The following EYS variants were observed in gnomAD, a reference collection of about 807,000 sequenced individuals.
The protein encoded by EYS is protein eyes shut homolog.
In EYS, 250 loss-of-function variants were observed where a neutral mutation model predicts 282.1. The ratio of observed to expected loss-of-function variants is 0.89; its 90% CI spans 0.80 to 0.98. EYS has a LOEUF of 0.98. Ranked by LOEUF, EYS falls within the 50% of genes least tolerant of loss-of-function variation. The pLI is 0.00. For synonymous variants in EYS, 1,355 were observed against 1,282.9 expected, an observed-to-expected ratio of 1.06 and a Z score of -1.20; for missense variants, 4,016 against 3,709.0, an observed-to-expected ratio of 1.08 and a Z score of -2.15.
chr6:64,776,798 T>C (rs941253938), intron 22 of EYS, among the ~76,000 whole-genome samples: 1 of 152,048 alleles, frequency 6.6e-6, no homozygotes, highest in Non-Finnish European at 1.5e-5. Flanking sequence ...TTGCTGAAAA[T>C]TTTTCCTATG....
At chr6:64,025,609 A>G (rs1001218363) in intron 33 of EYS, among the ~76,000 whole-genome samples, 1 of 152,206 alleles carries the variant, frequency 6.6e-6, no homozygotes, top group Non-Finnish European at 1.5e-5. Flanking sequence ...GGGCTCACCA[A>G]TCAGAAAGAC....
intron 12 of EYS, among the ~76,000 whole-genome samples, chr6:65,186,535 A>G (rs1361374214): frequency 1.3e-5 from 2 of 151,784 alleles, no homozygotes; most frequent in Admixed American, 1.3e-4. Flanking sequence ...ACTATACAAC[A>G]CATGAGTGAG....
chr6:65,123,513 C>T (rs570625097), intron 12 of EYS, among the ~76,000 whole-genome samples: 159 of 152,186 alleles, frequency 1.0e-3, no homozygotes, highest in African/African-American at 3.7e-3. Context: ...GTCCTTTGAA[C>T]AGAGCTTGAC....
intron 12 of EYS, among the ~76,000 whole-genome samples, chr6:65,119,150 A>G (rs967210942): frequency 6.6e-6 from 1 of 152,164 alleles, no homozygotes; most frequent in Non-Finnish European, 1.5e-5. Context: ...TAGTTTATGT[A>G]TTACTTTTAT....
At chr6:64,651,066 G>A (rs1384616971) in intron 22 of EYS, among the ~76,000 whole-genome samples, 3 of 151,792 alleles carry the variant, frequency 2.0e-5, no homozygotes, top group Admixed American at 6.6e-5. Context: ...TTAACTATTC[G>A]TGTAGACAGA....
At chr6:64,882,291 A>G (rs899865837) in intron 19 of EYS, among the ~76,000 whole-genome samples, 9 of 151,818 alleles carry the variant, frequency 5.9e-5, no homozygotes, top group Non-Finnish European at 1.0e-4. Context: ...AAAGTCACAC[A>G]TCGACTTGGC....
intron 12 of EYS, among the ~76,000 whole-genome samples, chr6:65,245,032 T>C (rs1386063163): frequency 6.6e-6 from 1 of 152,222 alleles, no homozygotes; most frequent in African/African-American, 2.4e-5. Context: ...AAAATTGTAC[T>C]GCTGCTCACA....
intron 12 of EYS, among the ~76,000 whole-genome samples, chr6:65,086,638 G>A (rs115210685): frequency 0.01 from 1,595 of 152,216 alleles, 26 homozygotes; most frequent in African/African-American, 0.025. Context: ...TAGATTATGC[G>A]ATACTGGTAA....
chr6:64,330,173 G>A (rs1029530652), intron 29 of EYS, among the ~76,000 whole-genome samples: 2 of 152,170 alleles, frequency 1.3e-5, no homozygotes, highest in Non-Finnish European at 2.9e-5. Flanking sequence ...TCTGTGGGAG[G>A]CTGGCTATAA....
chr6:64,563,064 G>A (rs543915604), intron 26 of EYS, among the ~76,000 whole-genome samples: 67 of 152,120 alleles, frequency 4.4e-4, no homozygotes, highest in African/African-American at 1.6e-3. Flanking sequence ...TTCATTAATA[G>A]TAAAACAATA....
At chr6:64,100,762 G>C (rs766274543) in intron 31 of EYS, among the ~76,000 whole-genome samples, 1 of 152,148 alleles carries the variant, frequency 6.6e-6, no homozygotes, top group Non-Finnish European at 1.5e-5. Flanking sequence ...TTACATGAGA[G>C]AAGGGTCATT....
intron 19 of EYS, among the ~76,000 whole-genome samples, chr6:64,854,507 C>G (rs943560870): frequency 6.8e-5 from 10 of 147,516 alleles, no homozygotes; most frequent in Non-Finnish European, 8.9e-5. Context: ...AAATAAAACA[C>G]TGCATGTTCT....
At chr6:65,105,995 A>C (rs1775024467) in intron 12 of EYS, among the ~76,000 whole-genome samples, 1 of 151,948 alleles carries the variant, frequency 6.6e-6, no homozygotes, top group Admixed American at 6.6e-5. Context: ...TAGGAATACC[A>C]ACAAAGGTGT....
rs1202013135 is a variant in EYS at position 65,404,922 on chromosome 6, T to C, written c.1056+252A>G. ...AAAACAATATTGAATAACTAAAAGA[T>C]GAAAAAAAGCAATAAGTAGAAATGA... On this transcript the variant is annotated intron_variant, in intron 6 of 42. Coordinates refer to ENST00000503581, the MANE Select transcript of EYS (RefSeq NM_001142800.2). Among the ~76,000 whole-genome samples, 6 of 151,870 alleles carry C rather than the reference T, an allele frequency of 4.0e-5. No individual in the cohort carries two copies. In the South Asian group the frequency reaches 6.2e-4, roughly 16 times the overall value.
chr6:64,781,275 A>G (rs1251855710), intron 22 of EYS, among the ~76,000 whole-genome samples: 1 of 152,134 alleles, frequency 6.6e-6, no homozygotes, highest in African/African-American at 2.4e-5. Context: ...CCCACCACAG[A>G]CCTATTGAAT....
At chr6:65,661,705 T>C (rs891656900) in intron 1 of EYS, among the ~76,000 whole-genome samples, 9 of 152,002 alleles carry the variant, frequency 5.9e-5, no homozygotes, top group Non-Finnish European at 1.2e-4. Flanking sequence ...ATTTCATGAG[T>C]GGTCATTTGT....
chr6:65,524,307 A>T (rs1294041650), intron 2 of EYS, among the ~76,000 whole-genome samples: 1 of 152,188 alleles, frequency 6.6e-6, no homozygotes, highest in African/African-American at 2.4e-5. Flanking sequence ...TTTCAATGGA[A>T]TAATTGTTGT....
chr6:65,487,557 G>T (rs139533186), intron 5 of EYS, among the ~76,000 whole-genome samples: 34 of 152,240 alleles, frequency 2.2e-4, no homozygotes, highest in African/African-American at 7.9e-4. Context: ...TTTCTGATGT[G>T]CTGCTGGATT....
Position 63,789,096 on chromosome 6 carries a change from C to G in EYS, c.7540G>C (p.Val2514Leu). 1.3e-6 allele frequency: 2 copies of G among 1,551,610 alleles called. No homozygotes were observed. The highest frequency in any genetic ancestry group is 1.7e-6 in the Non-Finnish European group (2 of 1,146,910). The change falls in exon 38 of 43, where the codon GTT becomes CTT. Residue 2514 changes from valine to leucine, a missense_variant. Coordinates refer to ENST00000503581, the MANE Select transcript of EYS (RefSeq NM_001142800.2). ...TCTTGGAAGAACTTGCCCAGATGAACAGTGTGGACTCCAAGGCTCAGATTG... is the reference window on the plus strand; with the variant it reads ...TCTTGGAAGAACTTGCCCAGATGAAGAGTGTGGACTCCAAGGCTCAGATTG... ...PLNLSLGVHT[V>L]HLGKFFQEGW...
Sources: allele counts gnomAD v4.1 joint callset (sites outside exome capture counted in the v4.1 genomes callset), GRCh38; gene constraint gnomAD v4.1.1; transcripts MANE v1.5; gene names NCBI Gene and HGNC (gene_info 2026-07-23, HGNC 2026-07-21).